The following DPP4 variants were observed in gnomAD, a reference collection of about 807,000 sequenced individuals.
DPP4 encodes the protein ADCP-2.
A neutral mutation model predicts 122.4 loss-of-function variants in DPP4; 93 were observed. The ratio of observed to expected loss-of-function variants is 0.76; its 90% CI spans 0.64 to 0.90. The LOEUF is 0.90. Ranked by LOEUF, DPP4 falls within the 40% of genes least tolerant of loss-of-function variation. DPP4 has a pLI of 0.00. For missense variants in DPP4, 914 were observed against 907.3 expected, an observed-to-expected ratio of 1.01 and a Z score of -0.09; for synonymous variants, 321 against 302.9, an observed-to-expected ratio of 1.06 and a Z score of -0.62.
chr2:162,044,337 C>G (rs1377852858), intron 5 of DPP4, among the ~76,000 whole-genome samples: 3 of 152,128 alleles, frequency 2.0e-5, no homozygotes, highest in Non-Finnish European at 4.4e-5. Context: ...TTAACAGTCA[C>G]CATCCTGAGA....
chr2:162,033,492 G>A, intron 10 of DPP4, 49 bp downstream of exon 10: 1 of 1,464,022 alleles, frequency 6.8e-7, no homozygotes, highest in Non-Finnish European at 9.5e-7. Context: ...GTTCTCCCTA[G>A]AAAGTGTAAA....
intron 2 of DPP4, among the ~76,000 whole-genome samples, chr2:162,048,566 C>G (rs975889223): frequency 4.6e-5 from 7 of 152,160 alleles, no homozygotes. Flanking sequence ...CTCTCATTCA[C>G]TCTTATGACC....
intron 20 of DPP4, among the ~76,000 whole-genome samples, chr2:162,009,628 C>G (rs1388799794): frequency 2.0e-5 from 3 of 151,036 alleles, no homozygotes; most frequent in African/African-American, 7.3e-5. Context: ...ATGCACTTTT[C>G]TTTACATAAT....
intron 10 of DPP4, among the ~76,000 whole-genome samples, chr2:162,028,403 C>T (rs1192773617): frequency 6.6e-6 from 1 of 152,164 alleles, no homozygotes; most frequent in Non-Finnish European, 1.5e-5. Context: ...GTACTTTTTA[C>T]TGAAAAGTTT....
At chr2:162,073,273 C>G in intron 2 of DPP4, 126 bp downstream of exon 2, 1 of 883,244 alleles carries the variant, frequency 1.1e-6, no homozygotes, top group Admixed American at 2.1e-5. Context: ...ACTGGGAAGC[C>G]TTCTCAGCTA....
At chr2:162,032,958 A>G (rs1185636904) in intron 10 of DPP4, among the ~76,000 whole-genome samples, 1 of 152,126 alleles carries the variant, frequency 6.6e-6, no homozygotes, top group East Asian at 1.9e-4. Context: ...AGGCCTTACA[A>G]GGCTCTTTGG....
chr2:162,027,205 G>C (rs1430533607), intron 10 of DPP4, among the ~76,000 whole-genome samples: 1 of 152,038 alleles, frequency 6.6e-6, no homozygotes, highest in Non-Finnish European at 1.5e-5. Context: ...GCAAAAATTA[G>C]CCAGGTGTGG....
chr2:162,018,967 C>A, intron 15 of DPP4, 117 bp from the exon 16 acceptor site: 3 of 1,064,046 alleles, frequency 2.8e-6, no homozygotes, highest in South Asian at 1.8e-5. Flanking sequence ...ATCTTTAGGA[C>A]TTTTTTTTTT....
intron 2 of DPP4, among the ~76,000 whole-genome samples, chr2:162,072,563 C>T (rs1212487319): frequency 6.6e-6 from 1 of 152,172 alleles, no homozygotes; most frequent in African/African-American, 2.4e-5. Context: ...CTAAATCTTC[C>T]AGAGAGAATG....
chr2:162,017,194 C>T (rs1682957821), intron 16 of DPP4, 39 bp from the exon 17 acceptor site: 1 of 1,579,170 alleles, frequency 6.3e-7, no homozygotes. Context: ...TGGATGAATA[C>T]TTTTTTAGAA....
intron 2 of DPP4, among the ~76,000 whole-genome samples, chr2:162,055,839 A>G (rs1684554582): frequency 6.6e-6 from 1 of 152,218 alleles, no homozygotes; most frequent in African/African-American, 2.4e-5. Flanking sequence ...CACATTTCCT[A>G]GAATAGCAAC....
At chr2:161,994,697 G>A (rs1222874867) in intron 25 of DPP4, among the ~76,000 whole-genome samples, 2 of 152,144 alleles carry the variant, frequency 1.3e-5, no homozygotes, top group Non-Finnish European at 1.5e-5. Context: ...GGGAGAGACT[G>A]AACAATCACA....
chr2:162,046,792 C>A, intron 4 of DPP4, 123 bp downstream of exon 4: 4 of 729,992 alleles, frequency 5.5e-6, no homozygotes, highest in Non-Finnish European at 7.5e-6. Flanking sequence ...GAGAAAGATC[C>A]ACTTTGCCAT....
In DPP4 at chr2:162,036,640, T is replaced by G. The variant is rs116516599; in HGVS notation, c.614-1316A>C. 4.1e-3 allele frequency among the ~76,000 whole-genome samples: 628 copies of G among 152,288 alleles called. 3 individuals carry two copies. Among genetic ancestry groups the G allele is most frequent in the African/African-American group, 0.015 (603 of 41,562 alleles). On this transcript the variant is annotated intron_variant, in intron 8 of 25. Coordinates refer to ENST00000360534, the MANE Select transcript of DPP4 (RefSeq NM_001935.4). The stretch of plus-strand genomic sequence containing the variant: ...TATTTCCAGTAATAGAAAACCTACT[T>G]CCGGGTTAAGCAGCCTATTCTTCCT...
chr2:162,025,905 T>TCTC (rs1683314135), intron 10 of DPP4, among the ~76,000 whole-genome samples: 1 of 152,070 alleles, frequency 6.6e-6, no homozygotes, highest in South Asian at 2.1e-4. Context: ...CCACTTGCCC[T>TCTC]CTCCTTCACA....
rs939019954 is a variant in DPP4, at chr2:162,022,791, T to C, written c.1032A>G (p.Gln344=). The part of the protein sequence containing the change: ...SGRWNCLVAR[Q]HIEMSTTGWV... ...AGCCAGTAGTACTCATTTCAATGTGTTGCCGTGCCTAGGAAGGGAAAGAGA... is the reference window on the plus strand; with the variant it reads ...AGCCAGTAGTACTCATTTCAATGTGCTGCCGTGCCTAGGAAGGGAAAGAGA... Residue 344 remains glutamine, a synonymous_variant, in exon 12 of 26, where the codon CAA becomes CAG. Transcript: ENST00000360534. The C allele has an allele frequency of 1.9e-6, 3 of 1,613,964 alleles. No individual in the cohort carries two copies. Among genetic ancestry groups the C allele is most frequent in the African/African-American group, 2.7e-5 (2 of 74,930 alleles).
intron 11 of DPP4, among the ~76,000 whole-genome samples, chr2:162,023,757 T>C (rs1302037534): frequency 1.3e-5 from 2 of 152,168 alleles, no homozygotes; most frequent in Non-Finnish European, 2.9e-5. Context: ...AGCAAAGAGC[T>C]TGGGTTTTGC....
rs199751642 is a variant in DPP4 at position 162,024,786 on chromosome 2, A to C, written c.1023+18T>G. 9.3e-6 allele frequency: 15 copies of C among 1,612,050 alleles called. No individual in the cohort carries two copies. Among genetic ancestry groups the C allele is most frequent in the Admixed American group, 3.3e-5 (2 of 59,962 alleles). On this transcript the variant is annotated intron_variant, in intron 11 of 25. Transcript: ENST00000360534. ...TCACATGTTGCTCTAGAAGCAGAAC[A>C]TCCCCATTCAGTCTCACCACTAAGC... is the stretch of plus-strand genomic sequence containing the variant.
intron 17 of DPP4, 96 bp downstream of exon 17, chr2:162,017,002 TTGTCAAGACA>T: frequency 7.0e-7 from 1 of 1,431,356 alleles, no homozygotes; most frequent in Non-Finnish European, 9.6e-7. Context: ...GTTCAACTCA[TTGTCAAGACA>T]CAAAGCCAAA....
Sources: gnomAD v4.1 joint callset for allele counts (sites outside exome capture counted in the v4.1 genomes callset) on GRCh38, gnomAD v4.1.1 for gene constraint, MANE v1.5 for transcripts, NCBI Gene and HGNC (gene_info 2026-07-23, HGNC 2026-07-21) for gene names.